The following GCNT1 variants were observed in gnomAD, a reference collection of about 807,000 sequenced individuals.
GCNT1 encodes the protein beta-1,3-galactosyl-O-glycosyl-glycoprotein beta-1,6-N-acetylglucosaminyltransferase.
GCNT1 carries 16 observed loss-of-function variants against 26.2 expected under a neutral mutation model. The ratio of observed to expected loss-of-function variants is 0.61; its 90% confidence interval spans 0.41 to 0.93. The LOEUF (loss-of-function observed/expected upper bound fraction) is 0.93, where lower values mean the gene tolerates loss of function less well. Ranked by LOEUF, GCNT1 falls within the 40% of genes least tolerant of loss-of-function variation. The pLI, the probability that GCNT1 is intolerant of heterozygous loss-of-function variation, is 0.00. For synonymous variants in GCNT1, 183 were observed against 190.8 expected (o/e 0.96, Z 0.34); for missense variants, 477 against 526.7 (o/e 0.91, Z 0.92).
In GCNT1 at chr9:76,432,619, C is replaced by T. The variant is rs138310200; in HGVS notation, n.38+12732C>T. ...CCTCCCAAAGTGCTGGGATTACAGG[C>T]GTGCTCCACTGTGCCCATCCTTAGT... On this transcript the variant is annotated intron_variant and non_coding_transcript_variant, in intron 1 of 3. Transcript: ENST00000488136. Among the ~76,000 whole-genome samples the T allele has an allele frequency of 3.9e-5, 6 of 152,268 alleles. No individual in the cohort carries two copies. In the South Asian group the frequency reaches 8.3e-4, roughly 21 times the overall value.
Position 76,472,964 on chromosome 9 carries a change from G to T in GCNT1, c.-290+12787G>T, listed in dbSNP as rs1824172256. Among the ~76,000 whole-genome samples, 3 of 152,012 alleles carry T rather than the reference G, an allele frequency of 2.0e-5. No homozygotes were observed. In the South Asian group the frequency reaches 6.2e-4, roughly 32 times the overall value. ...GGGTTTCACCACGTTGGCCGGGGTG[G>T]TCTAGAATTCCTGACCTCAGATGAT... On this transcript the variant is annotated intron_variant, in intron 2 of 3. Coordinates refer to ENST00000376730, the MANE Select transcript of GCNT1 (RefSeq NM_001490.5).
intron 1 of GCNT1, among the ~76,000 whole-genome samples, chr9:76,443,902 G>GA (rs1564225796): frequency 0.016 from 1,010 of 63,890 alleles, 12 homozygotes; most frequent in South Asian, 0.02. Context: ...AGAAAGAAAG[G>GA]AAGAAAGGAA....
intron 2 of GCNT1, among the ~76,000 whole-genome samples, chr9:76,499,412 GC>G (rs1175023283): frequency 6.6e-6 from 1 of 152,182 alleles, no homozygotes; most frequent in Non-Finnish European, 1.5e-5. Context: ...ACAGGCATGA[GC>G]CACCACACCT....
the GCNT1 span, among the ~76,000 whole-genome samples, chr9:76,401,339 C>T: frequency 6.6e-6 from 1 of 152,142 alleles, no homozygotes; most frequent in African/African-American, 2.4e-5. Flanking sequence ...GCTCATAGCA[C>T]ACTATAGCCT....
intron 1 of GCNT1, among the ~76,000 whole-genome samples, chr9:76,435,804 C>A (rs1010572132): frequency 8.5e-5 from 13 of 152,048 alleles, no homozygotes; most frequent in African/African-American, 2.9e-4. Context: ...ACAATTAGGT[C>A]CATAACAAAG....
At chr9:76,423,505 T>G (rs1390723891) in intron 1 of GCNT1, among the ~76,000 whole-genome samples, 1 of 152,216 alleles carries the variant, frequency 6.6e-6, no homozygotes, top group Non-Finnish European at 1.5e-5. Context: ...TTCTGTTTAT[T>G]ATAAATTATC....
At chr9:76,454,954 T>A (rs1205500653), upstream of GCNT1, among the ~76,000 whole-genome samples, 2 of 144,762 alleles carry the variant, frequency 1.4e-5, no homozygotes, top group South Asian at 4.7e-4. Flanking sequence ...TTCAAGCGAC[T>A]CTCCTGCCTC....
At chr9:76,409,492 C>G in the GCNT1 span, among the ~76,000 whole-genome samples, 2 of 152,022 alleles carry the variant, frequency 1.3e-5, no homozygotes, top group African/African-American at 4.8e-5. Flanking sequence ...ATCACCCAGC[C>G]CAGAGTGTGG....
chr9:76,477,024 C>T (rs541205851), intron 2 of GCNT1, among the ~76,000 whole-genome samples: 60 of 152,106 alleles, frequency 3.9e-4, no homozygotes, highest in African/African-American at 1.4e-3. Context: ...AAGCGAGTCT[C>T]GTGCCTCAGC....
At chr9:76,428,541 T>C (rs1395756600) in intron 1 of GCNT1, among the ~76,000 whole-genome samples, 1 of 152,058 alleles carries the variant, frequency 6.6e-6, no homozygotes, top group African/African-American at 2.4e-5. Context: ...CAGAACATTA[T>C]AGATCCAGTT....
upstream of GCNT1, among the ~76,000 whole-genome samples, chr9:76,438,138 G>C (rs1823433833): frequency 6.6e-6 from 1 of 152,246 alleles, no homozygotes; most frequent in Non-Finnish European, 1.5e-5. Flanking sequence ...ACAGCCTCAG[G>C]AGGTCCTGAT....
At chr9:76,411,080 T>C in the GCNT1 span, among the ~76,000 whole-genome samples, 13 of 152,224 alleles carry the variant, frequency 8.5e-5, no homozygotes, top group African/African-American at 2.9e-4. Flanking sequence ...ATATATGTCT[T>C]TACATTTAAT....
chr9:76,394,265 G>T, the GCNT1 span: 6 of 1,306,846 alleles, frequency 4.6e-6, no homozygotes, highest in Admixed American at 4.6e-5. Context: ...CCAGCCGGGG[G>T]ACAGGAGCGT....
At chr9:76,451,738 C>T (rs1344219420) in intron 1 of GCNT1, among the ~76,000 whole-genome samples, 2 of 152,048 alleles carry the variant, frequency 1.3e-5, no homozygotes, top group East Asian at 3.9e-4. Context: ...AAACAAAATT[C>T]TGTTGTTTAA....
chr9:76,426,153 A>T (rs1479944226), intron 1 of GCNT1, among the ~76,000 whole-genome samples: 1 of 152,184 alleles, frequency 6.6e-6, no homozygotes, highest in Admixed American at 6.5e-5. Context: ...TCTTTGTTTC[A>T]AACTTAAACA....
chr9:76,435,951 CTTTTT>C (rs398046579), intron 1 of GCNT1, among the ~76,000 whole-genome samples: 3 of 111,990 alleles, frequency 2.7e-5, no homozygotes, highest in Admixed American at 1.0e-4. Flanking sequence ...GTTCCCATAT[CTTTTT>C]TTTTTTTTTT....
chr9:76,396,606 C>T, the GCNT1 span, among the ~76,000 whole-genome samples: 41 of 152,104 alleles, frequency 2.7e-4, no homozygotes, highest in Non-Finnish European at 5.6e-4. Flanking sequence ...CTTTGGGAGG[C>T]TGAGGCCGGT....
At chr9:76,414,530 G>C in the GCNT1 span, among the ~76,000 whole-genome samples, 1 of 152,172 alleles carries the variant, frequency 6.6e-6, no homozygotes, top group Non-Finnish European at 1.5e-5. Context: ...GGGGCTGCTG[G>C]TTGACTATTT....
At chr9:76,465,594 TTC>T (rs1823976512) in intron 2 of GCNT1, among the ~76,000 whole-genome samples, 1 of 152,242 alleles carries the variant, frequency 6.6e-6, no homozygotes, top group Admixed American at 6.5e-5. Context: ...GTCAAAAGGC[TTC>T]AGCCCCCTGA....
Sources: allele counts gnomAD v4.1 joint callset (sites outside exome capture counted in the v4.1 genomes callset), GRCh38; gene constraint gnomAD v4.1.1; transcripts MANE v1.5; gene names NCBI Gene and HGNC (gene_info 2026-07-23, HGNC 2026-07-21).